NQO2: variants seen among roughly 807,000 people sequenced by gnomAD.
NQO2 encodes ribosyldihydronicotinamide dehydrogenase [quinone].
A neutral mutation model predicts 22.0 loss-of-function variants in NQO2; 18 were observed. That is an observed-to-expected ratio of 0.82 (90% CI 0.56 to 1.21). NQO2 has a LOEUF of 1.21. Among genes scored for constraint, NQO2 ranks in the 50% most tolerant of loss-of-function variants. The pLI is 0.00. For synonymous variants in NQO2, 106 were observed against 110.8 expected, an observed-to-expected ratio of 0.96 and a Z score of 0.28; for missense variants, 267 against 286.9, an observed-to-expected ratio of 0.93 and a Z score of 0.50.
intron 6 of NQO2, among the ~76,000 whole-genome samples, chr6:3,017,998 T>C (rs1348079586): frequency 6.6e-6 from 1 of 152,226 alleles, no homozygotes; most frequent in Non-Finnish European, 1.5e-5. Flanking sequence ...ACAATGATTT[T>C]TCCTTCTACA....
chr6:3,002,210 T>A (rs1422827010), intron 1 of NQO2: 1 of 985,316 alleles, frequency 1.0e-6, no homozygotes, highest in Non-Finnish European at 1.2e-6. Flanking sequence ...ACAAACAACA[T>A]GATTTCGGGC....
In NQO2 at chr6:3,015,632, G is replaced by A. The variant is rs766428660; in HGVS notation, c.406G>A (p.Gly136Ser). The A allele has an allele frequency of 4.1e-5, 66 of 1,614,010 alleles. No homozygotes were observed. The highest frequency in any genetic ancestry group is 1.6e-4 in the Middle Eastern group (1 of 6,084). Residue 136 changes from glycine to serine, a missense_variant, in exon 5 of 7, where the codon GGT becomes AGT. Physicochemically the swap from Gly to Ser is moderately conservative, Grantham distance 56. Transcript: ENST00000380455. The stretch of plus-strand genomic sequence containing the variant: ...TGACATCCCAGGATTCTACGATTCC[G>A]GTTTGCTCCAGGTATGTGCTCTTGG... ...AFDIPGFYDS[G>S]LLQGKLALLS...
chr6:3,012,519 G>T (rs761702512), intron 3 of NQO2, 25 bp from the exon 4 acceptor site: 809 of 1,613,602 alleles, frequency 5.0e-4, no homozygotes, highest in Non-Finnish European at 6.5e-4. Flanking sequence ...CTAGGAGTGA[G>T]AATGTTTGGC....
At chr6:3,009,551 G>A (rs536221503) in intron 2 of NQO2, among the ~76,000 whole-genome samples, 85 of 152,382 alleles carry the variant, frequency 5.6e-4, no homozygotes, top group African/African-American at 1.9e-3. Context: ...ATTGATTGGG[G>A]AAGTGATAAC....
chr6:3,006,559 G>A lies in NQO2; in HGVS notation c.7G>A (p.Gly3Ser). The A allele has an allele frequency of 2.5e-6, 4 of 1,607,360 alleles. No individual in the cohort carries two copies. In the African/African-American group the frequency reaches 4.0e-5, roughly 16 times the overall value. MA[G>S]KKVLIVYAHQ... ...GAATCCACCTTCTTACGCTATGGCA[G>A]GTAATGATTCACTATTGTGGAGTAA... Residue 3 changes from glycine (G) to serine (S), a missense_variant and splice_region_variant, in exon 2 of 7, where the codon GGT (glycine) becomes AGT (serine). Coordinates refer to ENST00000380455, the MANE Select transcript of NQO2 (RefSeq NM_000904.6). This position sits in a 1 kb window ranked among gnomAD's most constrained non-coding sequence, Gnocchi z 4.0.
intron 3 of NQO2, among the ~76,000 whole-genome samples, chr6:3,011,915 C>T (rs927329484): frequency 1.3e-5 from 2 of 152,150 alleles, no homozygotes; most frequent in Non-Finnish European, 2.9e-5. Context: ...ACCCACCTTA[C>T]AAGAAATGCT....
chr6:3,012,403 C>G, intron 3 of NQO2, 141 bp from the exon 4 acceptor site: 1 of 1,462,652 alleles, frequency 6.8e-7, no homozygotes, highest in Non-Finnish European at 9.0e-7. Context: ...AGCTCGGACC[C>G]AGGGTGCAGC....
In NQO2 at chr6:3,016,739, A is replaced by G; in HGVS notation, c.418-145A>G. ...CTTGGGATGTCATTGTCACCTATGG[A>G]TGGGAGTGTTGCATTTGTCCATCCC... On this transcript the variant is annotated intron_variant, in intron 5 of 6. Coordinates refer to ENST00000380455, the MANE Select transcript of NQO2 (RefSeq NM_000904.6). 2.7e-6 allele frequency: 4 copies of G among 1,466,314 alleles called. No individual in the cohort carries two copies. The South Asian group carries it at 4.1e-5, about 15-fold the overall frequency. 90.8% of individuals were successfully genotyped at this position (1,466,314 alleles called of 1,614,324 possible).
chr6:3,009,912 C>G (rs1757086638), intron 2 of NQO2, 113 bp from the exon 3 acceptor site: 1 of 1,447,682 alleles, frequency 6.9e-7, no homozygotes, highest in Admixed American at 2.6e-5. Flanking sequence ...TTTGATATTT[C>G]TTAGCTTCAA....
chr6:3,007,458 C>T (rs1327343205), intron 2 of NQO2, among the ~76,000 whole-genome samples: 1 of 152,192 alleles, frequency 6.6e-6, no homozygotes, highest in Non-Finnish European at 1.5e-5. Flanking sequence ...CCTTTGTAGC[C>T]AGCTCAATGC....
At chr6:3,010,858 C>G (rs1338349099) in intron 3 of NQO2, among the ~76,000 whole-genome samples, 1 of 151,956 alleles carries the variant, frequency 6.6e-6, no homozygotes, top group Non-Finnish European at 1.5e-5. Flanking sequence ...ATATTCAGGA[C>G]TGGCACACTC....
At chr6:3,014,997 T>C (rs1757273097) in intron 4 of NQO2, 1 of 887,030 alleles carries the variant, frequency 1.1e-6, no homozygotes, top group Admixed American at 2.4e-5. Context: ...CTATGTTTAT[T>C]TCCCTTCCCA....
intron 1 of NQO2, chr6:3,005,905 C>T: frequency 1.4e-6 from 1 of 726,570 alleles, no homozygotes; most frequent in Non-Finnish European, 1.7e-6. Flanking sequence ...CTGGAAATTG[C>T]ACCAAGTCTG....
chr6:3,010,129 A>G lies in NQO2; in HGVS notation c.112A>G (p.Thr38Ala). 1 of 1,614,056 alleles carries G rather than the reference A, an allele frequency of 6.2e-7. No individual in the cohort carries two copies. Among genetic ancestry groups the G allele is most frequent in the Non-Finnish European group, 8.5e-7 (1 of 1,179,956 alleles). Residue 38 changes from threonine (T) to alanine (A), a missense_variant, in exon 3 of 7, where the codon ACA (threonine) becomes GCA (alanine). Thr to Ala is a moderately conservative substitution (Grantham distance 58, BLOSUM62 0). Coordinates refer to ENST00000380455, the MANE Select transcript of NQO2 (RefSeq NM_000904.6). ...DELSRQGCTVTVSDLYAMNLE... is the reference protein window; with the variant it reads ...DELSRQGCTVAVSDLYAMNLE... The stretch of plus-strand genomic sequence containing the variant: ...ACTGAGCAGGCAGGGCTGCACCGTC[A>G]CAGTGTCTGATTTGTATGCCATGAA...
In NQO2 at chr6:3,006,517, A is replaced by G. The variant is rs1421181796; in HGVS notation, c.-36A>G. On this transcript the variant is annotated 5_prime_UTR_variant, in exon 2 of 7. Transcript: ENST00000380455. The surrounding 1 kb of genome is among the most constrained non-coding windows in gnomAD (Gnocchi z 4.0). ...CTACGCAGGAAAGCCCCAGCCACCC[A>G]TCAAATCAGAGAGAAGGAATCCACC... is the stretch of plus-strand genomic sequence containing the variant. The G allele has an allele frequency of 1.2e-6, 2 of 1,612,918 alleles. No homozygotes were observed. The highest frequency in any genetic ancestry group is 2.2e-5 in the East Asian group (1 of 44,830).
At chr6:3,000,738 C>T (rs1395242671) in intron 1 of NQO2, among the ~76,000 whole-genome samples, 3 of 152,090 alleles carry the variant, frequency 2.0e-5, no homozygotes, top group Non-Finnish European at 4.4e-5. Context: ...AGACGGGTTT[C>T]ATGTTGGTCA....
intron 1 of NQO2, chr6:3,003,431 A>C (rs1295046919): frequency 3.3e-6 from 2 of 600,504 alleles, no homozygotes; most frequent in East Asian, 2.7e-4. Flanking sequence ...TCCCTGACAC[A>C]TGCTCGCTGC....
chr6:3,011,138 G>A (rs1243904039), intron 3 of NQO2, among the ~76,000 whole-genome samples: 1 of 152,136 alleles, frequency 6.6e-6, no homozygotes, highest in East Asian at 1.9e-4. Flanking sequence ...AACCTAACGA[G>A]ACGGCACTGT....
At chr6:3,001,090 CTTT>C (rs66489312) in intron 1 of NQO2, among the ~76,000 whole-genome samples, 28 of 114,198 alleles carry the variant, frequency 2.5e-4, no homozygotes, top group African/African-American at 7.0e-4. Context: ...CTTTCTTTTT[CTTT>C]TTTTTTTTTT....
Sources: gnomAD v4.1 joint callset for allele counts (sites outside exome capture counted in the v4.1 genomes callset) on GRCh38, gnomAD v4.1.1 for gene constraint, Gnocchi (gnomAD v3.1) non-coding constraint, MANE v1.5 for transcripts, NCBI Gene and HGNC (gene_info 2026-07-23, HGNC 2026-07-21) for gene names.